THRB: variants seen among roughly 807,000 people sequenced by gnomAD.
THRB encodes the protein thyroid hormone receptor beta.
In THRB, 12 loss-of-function variants were observed where a neutral mutation model predicts 47.8. The observed-to-expected ratio is 0.25, with a 90% CI of 0.16 to 0.41. The LOEUF (loss-of-function observed/expected upper bound fraction) is 0.41, where lower values mean the gene tolerates loss of function less well. Ranked by LOEUF, THRB falls within the 10% of genes least tolerant of loss-of-function variation. The pLI, the probability that THRB is intolerant of heterozygous loss-of-function variation, is 1.00. For missense variants in THRB, 348 were observed against 589.2 expected (o/e 0.59, Z 4.24); for synonymous variants, 218 against 212.2 (o/e 1.03, Z -0.24).
chr3:24,272,531 A>G (rs2150675830), intron 3 of THRB, among the ~76,000 whole-genome samples: 1 of 152,232 alleles, frequency 6.6e-6, no homozygotes, highest in East Asian at 1.9e-4. Context: ...ATGCACTCAC[A>G]TGTTCCCCTC....
At chr3:24,434,047 T>C (rs370654719) in intron 1 of THRB, among the ~76,000 whole-genome samples, 43 of 152,270 alleles carry the variant, frequency 2.8e-4, no homozygotes, top group South Asian at 2.1e-3. Context: ...TCTGATGGTT[T>C]ATCTTGTAGC....
chr3:24,270,531 T>C (rs1323664390), intron 3 of THRB, among the ~76,000 whole-genome samples: 1 of 152,250 alleles, frequency 6.6e-6, no homozygotes, highest in African/African-American at 2.4e-5. Context: ...TTACTCAGAC[T>C]GGCTAGAAAT....
intron 1 of THRB, among the ~76,000 whole-genome samples, chr3:24,418,542 A>C (rs2068955357): frequency 1.3e-5 from 2 of 151,814 alleles, no homozygotes; most frequent in Non-Finnish European, 2.9e-5. Context: ...AAAAAATATA[A>C]TTTTTCTTAC....
At chr3:24,262,243 C>T (rs558673593) in intron 3 of THRB, among the ~76,000 whole-genome samples, 19 of 152,148 alleles carry the variant, frequency 1.2e-4, no homozygotes, top group African/African-American at 4.6e-4. Flanking sequence ...TTCTTTCTAC[C>T]TCCATCATTA....
chr3:24,125,138 A>G (rs536777209), intron 10 of THRB, among the ~76,000 whole-genome samples: 73 of 152,354 alleles, frequency 4.8e-4, no homozygotes, highest in Non-Finnish European at 8.5e-4. Flanking sequence ...ACTACAGAGG[A>G]AACATCTTAT....
chr3:24,437,783 C>T (rs2071116686), intron 1 of THRB, among the ~76,000 whole-genome samples: 2 of 151,994 alleles, frequency 1.3e-5, no homozygotes, highest in South Asian at 4.1e-4. Context: ...AAAATGAACA[C>T]ACTTTTGGGC....
intron 4 of THRB, 85 bp downstream of exon 4, chr3:24,228,853 A>G: frequency 7.6e-7 from 1 of 1,311,658 alleles, no homozygotes; most frequent in Non-Finnish European, 1.1e-6. Context: ...TAAAACTCGC[A>G]AGTTAATCTT....
At chr3:24,271,536 A>G (rs760894094) in intron 3 of THRB, among the ~76,000 whole-genome samples, 28 of 152,174 alleles carry the variant, frequency 1.8e-4, no homozygotes, top group South Asian at 4.1e-4. Flanking sequence ...TCAGGGATGA[A>G]CAGAGTATTT....
At chr3:24,190,381 G>C in intron 4 of THRB, 47 bp from the exon 5 acceptor site, 1 of 1,613,298 alleles carries the variant, frequency 6.2e-7, no homozygotes, top group Non-Finnish European at 8.5e-7. Context: ...GCATTGTCAA[G>C]ATTTTGCTGA....
intron 10 of THRB, among the ~76,000 whole-genome samples, chr3:24,126,389 A>G (rs2148820584): frequency 6.6e-6 from 1 of 152,322 alleles, no homozygotes; most frequent in Middle Eastern, 3.4e-3. Flanking sequence ...TCAGGTTAAA[A>G]AAAAAAAATT....
At chr3:24,474,212 T>C (rs1285471960) in intron 1 of THRB, among the ~76,000 whole-genome samples, 1 of 152,062 alleles carries the variant, frequency 6.6e-6, no homozygotes, top group Non-Finnish European at 1.5e-5. Flanking sequence ...TACAAACAAT[T>C]TTCCTGGTTA....
At chr3:24,434,734 G>A (rs949160178) in intron 1 of THRB, among the ~76,000 whole-genome samples, 2 of 152,134 alleles carry the variant, frequency 1.3e-5, no homozygotes, top group Non-Finnish European at 2.9e-5. Context: ...TTACTAGCTG[G>A]AGAAAACAAG....
rs1306227061 is a variant in THRB at position 24,143,549 on chromosome 3, C to T, written c.690G>A (p.Val230=). ...AGTGGCTGCCTTGGGCGTTGGTCGC[C>T]ACATGGGCTTCGGTGACAGTTTTGA... ...ELIKTVTEAH[V]ATNAQGSHWK... Residue 230 remains valine, a synonymous_variant, in exon 8 of 11, where the codon GTG becomes GTA. Coordinates refer to ENST00000646209, the MANE Select transcript of THRB (RefSeq NM_001354712.2). 6.2e-7 allele frequency: 1 copy of T among 1,614,204 alleles called. No individual in the cohort carries two copies. Among genetic ancestry groups the T allele is most frequent in the Non-Finnish European group, 8.5e-7 (1 of 1,180,030 alleles).
At chr3:24,156,207 C>G (rs1032323907) in intron 5 of THRB, among the ~76,000 whole-genome samples, 3 of 152,198 alleles carry the variant, frequency 2.0e-5, no homozygotes, top group African/African-American at 7.2e-5. Context: ...TACATTTGCA[C>G]TACAAAGGAT....
intron 6 of THRB, among the ~76,000 whole-genome samples, chr3:24,148,272 G>A (rs941477614): frequency 7.2e-5 from 11 of 152,064 alleles, no homozygotes; most frequent in Admixed American, 2.6e-4. Flanking sequence ...GATTACAGGC[G>A]TGTGCTACCA....
At chr3:24,212,223 C>T (rs923841897) in intron 4 of THRB, among the ~76,000 whole-genome samples, 1 of 152,010 alleles carries the variant, frequency 6.6e-6, no homozygotes, top group African/African-American at 2.4e-5. Context: ...ATAATGAAAC[C>T]CCATCTCTAC....
chr3:24,446,373 C>T (rs976897153), intron 1 of THRB, among the ~76,000 whole-genome samples: 1 of 152,126 alleles, frequency 6.6e-6, no homozygotes, highest in African/African-American at 2.4e-5. Flanking sequence ...TCCTGCTCAC[C>T]TCTGCCAATC....
intron 7 of THRB, 91 bp from the exon 8 acceptor site, chr3:24,143,797 C>T (rs2035754390): frequency 6.7e-6 from 9 of 1,351,770 alleles, no homozygotes; most frequent in African/African-American, 1.4e-5. Flanking sequence ...AGTGGGACCA[C>T]TGATGCACAG....
intron 3 of THRB, among the ~76,000 whole-genome samples, chr3:24,242,024 T>G (rs1423063243): frequency 1.3e-5 from 2 of 152,128 alleles, no homozygotes; most frequent in East Asian, 3.9e-4. Flanking sequence ...AAACATGAGT[T>G]ATTTCTTGAA....
Sources: allele counts gnomAD v4.1 joint callset (sites outside exome capture counted in the v4.1 genomes callset), GRCh38; gene constraint gnomAD v4.1.1; transcripts MANE v1.5; gene names NCBI Gene and HGNC (gene_info 2026-07-23, HGNC 2026-07-21).